Variants in CDC123 observed in about 807,000 individuals in gnomAD.
The protein encoded by CDC123 is translation initiation factor eIF2 assembly protein.
In CDC123, 37 loss-of-function variants were observed where a neutral mutation model predicts 54.4. That is an observed-to-expected ratio of 0.68 (90% CI 0.52 to 0.89). The LOEUF (loss-of-function observed/expected upper bound fraction) is 0.89, where lower values mean the gene tolerates loss of function less well. Among genes scored for constraint, CDC123 ranks in the 40% least tolerant of loss-of-function variants. The pLI, the probability that CDC123 is intolerant of heterozygous loss-of-function variation, is 0.00. For synonymous variants in CDC123, 144 were observed against 136.8 expected (o/e 1.05, Z -0.37); for missense variants, 361 against 412.1 (o/e 0.88, Z 1.07).
intron 2 of CDC123, among the ~76,000 whole-genome samples, chr10:12,202,049 G>A (rs989161276): frequency 4.6e-5 from 7 of 152,174 alleles, no homozygotes; most frequent in African/African-American, 1.4e-4. Context: ...CTCACAATCT[G>A]TTGAGAATTT....
intron 6 of CDC123, among the ~76,000 whole-genome samples, chr10:12,227,323 T>G (rs1791880110): frequency 6.6e-6 from 1 of 152,050 alleles, no homozygotes; most frequent in African/African-American, 2.4e-5. Context: ...TTGACTTTTC[T>G]AAGACCATAA....
chr10:12,199,800 G>C (rs895853049), intron 2 of CDC123, among the ~76,000 whole-genome samples: 1 of 152,010 alleles, frequency 6.6e-6, no homozygotes, highest in Non-Finnish European at 1.5e-5. Flanking sequence ...TCAACTTTAG[G>C]ATATTTACAG....
At position 12,196,209 on chromosome 10, in the gene CDC123, C is replaced by CA. The variant is rs1378832780; in HGVS notation, c.-36dup. On this transcript the variant is annotated 5_prime_UTR_variant, in exon 1 of 13. Transcript: ENST00000281141. ...GCCCAGAGTTCCGGGAGGGTGCAGG[C>CA]AGGAGAGGGAAAGGCAGCAGCGGCG... The CA allele has an allele frequency of 6.2e-7, 1 of 1,613,488 alleles. No individual in the cohort carries two copies. The highest frequency in any genetic ancestry group is 8.5e-7 in the Non-Finnish European group (1 of 1,179,888).
intron 7 of CDC123, 137 bp from the exon 8 acceptor site, chr10:12,234,911 G>T: frequency 1.6e-6 from 1 of 611,362 alleles, no homozygotes; most frequent in Non-Finnish European, 2.8e-6. Context: ...ATCATGCCCG[G>T]CCAAGAATGT....
At position 12,196,330 on chromosome 10, in the gene CDC123, A is replaced by G. The variant is rs779431973; in HGVS notation, c.74+11A>G. ...CGTTACCATCAAGAGGTGAGATGGG[A>G]GGGGGTTCGCCCGGTCGACCGGCAA... is the stretch of plus-strand genomic sequence containing the variant. On this transcript the variant is annotated intron_variant, in intron 1 of 12. Transcript: ENST00000281141. The G allele has an allele frequency of 8.4e-7, 1 of 1,196,804 alleles. No homozygotes were observed. The allele number at this position is 1,196,804 out of a possible 1,614,324, so 74.1% of individuals were successfully genotyped here.
At chr10:12,199,286 C>T (rs1356808821) in intron 2 of CDC123, among the ~76,000 whole-genome samples, 2 of 152,110 alleles carry the variant, frequency 1.3e-5, no homozygotes, top group African/African-American at 4.8e-5. Flanking sequence ...AACTTGAAAA[C>T]GTTGAAGAAT....
At chr10:12,243,971 A>G (rs1232826156) in intron 10 of CDC123, among the ~76,000 whole-genome samples, 2 of 152,288 alleles carry the variant, frequency 1.3e-5, no homozygotes, top group East Asian at 3.9e-4. Flanking sequence ...TGGGTGCCAA[A>G]TGGAGGTGAG....
chr10:12,217,276 T>C (rs1835675290), intron 5 of CDC123, 85 bp from the exon 6 acceptor site: 3 of 1,279,700 alleles, frequency 2.3e-6, no homozygotes, highest in East Asian at 2.4e-5. Context: ...TGAAGTGATA[T>C]GCATTATTGA....
At chr10:12,224,740 A>T (rs1184904490) in intron 6 of CDC123, among the ~76,000 whole-genome samples, 1 of 152,220 alleles carries the variant, frequency 6.6e-6, no homozygotes, top group Non-Finnish European at 1.5e-5. Context: ...GTTAAATAGT[A>T]ACCCAGGAAA....
At chr10:12,214,299 C>T (rs1212643153) in intron 4 of CDC123, among the ~76,000 whole-genome samples, 1 of 152,214 alleles carries the variant, frequency 6.6e-6, no homozygotes, top group African/African-American at 2.4e-5. Context: ...GCCCATCTCA[C>T]AGAAGTGGGG....
chr10:12,220,217 C>G (rs1835717971), intron 6 of CDC123, among the ~76,000 whole-genome samples: 1 of 152,188 alleles, frequency 6.6e-6, no homozygotes, highest in African/African-American at 2.4e-5. Context: ...CTATAAATTG[C>G]TTTTAATTCT....
rs554482269 is a variant in CDC123 at position 12,199,684 on chromosome 10, T to G, written c.146+908T>G. 2.0e-5 allele frequency among the ~76,000 whole-genome samples: 3 copies of G among 152,216 alleles called. No individual in the cohort carries two copies. In the South Asian group the frequency reaches 6.2e-4, roughly 31 times the overall value. On this transcript the variant is annotated intron_variant, in intron 2 of 12. Coordinates refer to ENST00000281141, the MANE Select transcript of CDC123 (RefSeq NM_006023.3). ...TGTGGTTTTCTGGATTATATTTCTG[T>G]TTTTGGTATTCACAGAGCCTCAATA...
chr10:12,236,508 AG>A (rs1835978278), intron 8 of CDC123, among the ~76,000 whole-genome samples: 1 of 151,330 alleles, frequency 6.6e-6, no homozygotes, highest in African/African-American at 2.4e-5. Flanking sequence ...CTGAGGTGGG[AG>A]GGTCACTTGA....
intron 7 of CDC123, among the ~76,000 whole-genome samples, chr10:12,232,718 A>G (rs1410080751): frequency 1.3e-5 from 2 of 152,084 alleles, no homozygotes; most frequent in Non-Finnish European, 2.9e-5. Flanking sequence ...CGCAACGAAC[A>G]TCTGTCTATT....
Position 12,204,757 on chromosome 10 carries a change from T to G in CDC123, c.147-5210T>G, listed in dbSNP as rs1835493550. 2.0e-5 allele frequency among the ~76,000 whole-genome samples: 3 copies of G among 152,038 alleles called. No homozygotes were observed. The South Asian group carries it at 6.2e-4, about 32-fold the overall frequency. On this transcript the variant is annotated intron_variant, in intron 2 of 12. Transcript: ENST00000281141. Reference sequence around the variant, plus strand: ...CTGTAATTCCAGCACTTTTGGAGGCTCAGGTGGGCAGATCACCTGAGGTCA... The same window carrying G: ...CTGTAATTCCAGCACTTTTGGAGGCGCAGGTGGGCAGATCACCTGAGGTCA...
Position 12,246,263 on chromosome 10 carries a change from G to C in CDC123, c.832G>C (p.Asp278His). The part of the protein sequence containing the change: ...NNLNGDFSEV[D>H]AQEQDSPAFR... Reference sequence around the variant, plus strand: ...CTTAAACGGCGATTTTAGTGAAGTTGACGCTCAAGAGCAGGTACAACATTT... The same window carrying C: ...CTTAAACGGCGATTTTAGTGAAGTTCACGCTCAAGAGCAGGTACAACATTT... The change falls in exon 11 of 13, where the codon GAC (aspartate) becomes CAC (histidine). Residue 278 changes from aspartate to histidine, a missense_variant. Asp to His is a moderately conservative substitution (Grantham distance 81). Transcript: ENST00000281141. The C allele has an allele frequency of 2.5e-6, 4 of 1,614,126 alleles. No individual in the cohort carries two copies. The highest frequency in any genetic ancestry group is 3.4e-6 in the Non-Finnish European group (4 of 1,180,004).
intron 10 of CDC123, among the ~76,000 whole-genome samples, chr10:12,242,771 GTC>G (rs1836076364): frequency 6.6e-6 from 1 of 151,026 alleles, no homozygotes; most frequent in Non-Finnish European, 1.5e-5. Context: ...GTGAAACCCC[GTC>G]TCTACTAAAA....
chr10:12,219,089 C>T (rs1334269630), intron 6 of CDC123, among the ~76,000 whole-genome samples: 6 of 152,182 alleles, frequency 3.9e-5, no homozygotes, highest in Non-Finnish European at 5.9e-5. Flanking sequence ...CAGTTCGTTC[C>T]ATGTCAGACT....
intron 10 of CDC123, among the ~76,000 whole-genome samples, chr10:12,238,811 G>C (rs1836014726): frequency 6.6e-6 from 1 of 152,104 alleles, no homozygotes; most frequent in South Asian, 2.1e-4. Context: ...CTTGAGGTCA[G>C]GAGTTCAAGA....
Sources: gnomAD v4.1 joint callset for allele counts (sites outside exome capture counted in the v4.1 genomes callset) on GRCh38, gnomAD v4.1.1 for gene constraint, MANE v1.5 for transcripts, NCBI Gene and HGNC (gene_info 2026-07-23, HGNC 2026-07-21) for gene names.